Variants in ADCY7 observed in about 807,000 individuals in gnomAD.
ADCY7 encodes adenylate cyclase 7.
In ADCY7, 72 loss-of-function variants were observed where a neutral mutation model predicts 120.6. The observed-to-expected ratio is 0.60, with a 90% CI of 0.49 to 0.73. ADCY7 has a LOEUF of 0.73. Ranked by LOEUF, ADCY7 falls within the 30% of genes least tolerant of loss-of-function variation. The pLI is 0.00. For synonymous variants in ADCY7, 661 were observed against 628.0 expected (o/e 1.05, Z -0.78); for missense variants, 1,227 against 1,486.0 (o/e 0.83, Z 2.87).
intron 1 of ADCY7, among the ~76,000 whole-genome samples, chr16:50,253,211 T>A (rs529050703): frequency 3.3e-5 from 5 of 152,234 alleles, no homozygotes; most frequent in Admixed American, 2.0e-4. Context: ...GTAGTGGGAC[T>A]GTTTCTTTAG....
intron 1 of ADCY7, chr16:50,246,327 G>A (rs1596778233): frequency 6.6e-6 from 1 of 151,838 alleles, no homozygotes; most frequent in African/African-American, 2.4e-5. Context: ...CCCCTCTCCC[G>A]GCCCGCCCTT....
intron 21 of ADCY7, among the ~76,000 whole-genome samples, chr16:50,312,514 T>C (rs2036545017): frequency 6.6e-6 from 1 of 152,182 alleles, no homozygotes; most frequent in African/African-American, 2.4e-5. Flanking sequence ...GATCTGGACA[T>C]TCTGTGTTGA....
chr16:50,299,289 A>G (rs1454401651), intron 8 of ADCY7, among the ~76,000 whole-genome samples: 2 of 152,244 alleles, frequency 1.3e-5, no homozygotes, highest in Non-Finnish European at 2.9e-5. Flanking sequence ...ATGTGAGGTC[A>G]GGGCGGTGGG....
At chr16:50,307,386 CAT>C (rs10577557) in intron 15 of ADCY7, among the ~76,000 whole-genome samples, 21,715 of 152,136 alleles carry the variant, frequency 0.14, 1,833 homozygotes, top group Non-Finnish European at 0.19. Flanking sequence ...AGCCACCTGT[CAT>C]ATGTGTGGCC....
intron 1 of ADCY7, among the ~76,000 whole-genome samples, chr16:50,253,316 T>C (rs1268044134): frequency 6.6e-6 from 1 of 152,158 alleles, no homozygotes; most frequent in East Asian, 1.9e-4. Flanking sequence ...TGTGGCGCAA[T>C]CTCGTCTCAC....
chr16:50,259,877 TC>T (rs1343502652), intron 1 of ADCY7, among the ~76,000 whole-genome samples: 1 of 152,128 alleles, frequency 6.6e-6, no homozygotes, highest in Non-Finnish European at 1.5e-5. Flanking sequence ...CAGGAACAGA[TC>T]CCTGCACATC....
intron 1 of ADCY7, among the ~76,000 whole-genome samples, chr16:50,270,404 C>G (rs1286797028): frequency 6.6e-6 from 1 of 152,220 alleles, no homozygotes; most frequent in Non-Finnish European, 1.5e-5. Flanking sequence ...GGTTCCAGCT[C>G]TGTTCTGCCT....
rs544493507 is a variant in ADCY7, at chr16:50,257,209, TACAAA to T, written c.-64+11017_-64+11021del. On this transcript the variant is annotated intron_variant, in intron 1 of 4. Transcript: ENST00000564044. ...CATGGGCAACATAGCACCCCACCTG[TACAAA>T]ACAAAACAAATGCAAAAGACCACCA... is the stretch of plus-strand genomic sequence containing the variant. Among the ~76,000 whole-genome samples the T allele has an allele frequency of 2.4e-3, 364 of 150,528 alleles. 1 individual carries two copies. Among genetic ancestry groups the T allele is most frequent in the South Asian group, 0.012 (55 of 4,782 alleles).
At chr16:50,286,579 G>A (rs2034597853) in intron 1 of ADCY7, among the ~76,000 whole-genome samples, 1 of 152,116 alleles carries the variant, frequency 6.6e-6, no homozygotes, top group African/African-American at 2.4e-5. Context: ...CCTGATGCAT[G>A]TCCCCAAATC....
At chr16:50,246,386 C>G (rs1017688438) in intron 1 of ADCY7, among the ~76,000 whole-genome samples, 8 of 152,054 alleles carry the variant, frequency 5.3e-5, no homozygotes, top group Non-Finnish European at 8.8e-5. Context: ...CCGGGTGGGT[C>G]GGAAATGCTC....
chr16:50,261,877 C>T (rs908290582), upstream of ADCY7, among the ~76,000 whole-genome samples: 6 of 152,332 alleles, frequency 3.9e-5, no homozygotes, highest in African/African-American at 1.4e-4. Flanking sequence ...CTCCCGGTGC[C>T]GTGAACCCCC....
At position 50,288,049 on chromosome 16, in the gene ADCY7, C is replaced by T. The variant is rs2034690830; in HGVS notation, c.-131C>T. On this transcript the variant is annotated 5_prime_UTR_variant, in exon 2 of 26. An upstream open reading frame in the 5' UTR gains an earlier in-frame stop. Transcript: ENST00000673801. Reference sequence around the variant, plus strand: ...GCAGCAGGCCCAGAGGCCCTCTCCCCAGCCCTGCTTGCCTGCCTCGGAGAG... The same window carrying T: ...GCAGCAGGCCCAGAGGCCCTCTCCCTAGCCCTGCTTGCCTGCCTCGGAGAG... The T allele has an allele frequency of 1.8e-6, 2 of 1,137,786 alleles. No individual in the cohort carries two copies. Among genetic ancestry groups the T allele is most frequent in the Non-Finnish European group, 2.4e-6 (2 of 830,936 alleles). The allele number at this position is 1,137,786 out of a possible 1,614,324, so 70.5% of individuals were successfully genotyped here.
chr16:50,303,873 C>T (rs1001142702), intron 10 of ADCY7, among the ~76,000 whole-genome samples: 1 of 152,126 alleles, frequency 6.6e-6, no homozygotes, highest in South Asian at 2.1e-4. Flanking sequence ...CAGGAAGGAG[C>T]GAATGCGTGC....
intron 10 of ADCY7, among the ~76,000 whole-genome samples, chr16:50,302,669 G>A (rs576111555): frequency 9.7e-4 from 143 of 147,390 alleles, no homozygotes; most frequent in African/African-American, 3.5e-3. Context: ...GTCCCCAGCC[G>A]GCACATCTCA....
At chr16:50,292,026 G>A in intron 4 of ADCY7, 129 bp downstream of exon 4, 1 of 1,076,126 alleles carries the variant, frequency 9.3e-7, no homozygotes, top group Non-Finnish European at 1.3e-6. Flanking sequence ...CCGCTCCAAG[G>A]CCGGGCCCTC....
intron 1 of ADCY7, among the ~76,000 whole-genome samples, chr16:50,256,875 C>G (rs1035590519): frequency 2.6e-5 from 4 of 152,112 alleles, no homozygotes; most frequent in Non-Finnish European, 5.9e-5. Flanking sequence ...TCTGCACTCC[C>G]ATAATCATTG....
chr16:50,299,607 C>G (rs1013991139), intron 8 of ADCY7, among the ~76,000 whole-genome samples: 1 of 152,208 alleles, frequency 6.6e-6, no homozygotes, highest in African/African-American at 2.4e-5. Context: ...TGGGGCTGCC[C>G]GTCCTGGATA....
At chr16:50,292,622 T>G in intron 4 of ADCY7, 54 bp from the exon 5 acceptor site, 1 of 1,594,798 alleles carries the variant, frequency 6.3e-7, no homozygotes. Flanking sequence ...GTCTGGTGCC[T>G]CGGGAGGGCA....
At chr16:50,313,887 C>T in intron 22 of ADCY7, 71 bp from the exon 23 acceptor site, 1 of 1,340,126 alleles carries the variant, frequency 7.5e-7, no homozygotes, top group Non-Finnish European at 1.1e-6. Flanking sequence ...CACACCCTTC[C>T]TGAGAAGCAG....
Sources: allele counts gnomAD v4.1 joint callset (sites outside exome capture counted in the v4.1 genomes callset), GRCh38; gene constraint gnomAD v4.1.1; transcripts MANE v1.5; gene names NCBI Gene and HGNC (gene_info 2026-07-23, HGNC 2026-07-21).